SULF1: variants seen among roughly 807,000 people sequenced by gnomAD.
SULF1 encodes sulfatase 1.
A neutral mutation model predicts 110.5 loss-of-function variants in SULF1; 46 were observed. That is an observed-to-expected ratio of 0.42 (90% CI 0.33 to 0.53). SULF1 has a LOEUF of 0.53. SULF1 is among the 20% of genes least tolerant of loss of function. SULF1 has a pLI of 0.12. For synonymous variants in SULF1, 371 were observed against 387.1 expected (o/e 0.96, Z 0.49); for missense variants, 941 against 1,094.2 (o/e 0.86, Z 1.98).
intron 22 of SULF1, among the ~76,000 whole-genome samples, chr8:69,646,361 C>T (rs906822366): frequency 3.3e-5 from 5 of 152,028 alleles, no homozygotes; most frequent in African/African-American, 9.7e-5. Flanking sequence ...CTTCTGAATG[C>T]TTTCGTATAT....
intron 3 of SULF1, among the ~76,000 whole-genome samples, chr8:69,522,031 A>G (rs1405468617): frequency 6.6e-6 from 1 of 151,386 alleles, no homozygotes; most frequent in Non-Finnish European, 1.5e-5. Flanking sequence ...AGAGACAGGG[A>G]GAGAGAGAGA....
chr8:69,651,592 CTTT>C (rs562187444), intron 22 of SULF1, among the ~76,000 whole-genome samples: 1 of 151,778 alleles, frequency 6.6e-6, no homozygotes, highest in African/African-American at 2.4e-5. Flanking sequence ...TGTCAAAAAG[CTTT>C]TTTTAGCATC....
intron 3 of SULF1, among the ~76,000 whole-genome samples, chr8:69,515,446 C>T (rs1811864969): frequency 6.6e-6 from 1 of 152,010 alleles, no homozygotes; most frequent in Non-Finnish European, 1.5e-5. Flanking sequence ...GGGCCCTGGG[C>T]CTGGCCCATG....
chr8:69,469,269 T>C (rs1374834327), intron 1 of SULF1: 3 of 152,244 alleles, frequency 2.0e-5, no homozygotes, highest in Non-Finnish European at 2.9e-5. Context: ...GTGCTGGTAA[T>C]ACACATGAAG....
At chr8:69,578,924 GAGGACA>G in intron 6 of SULF1, among the ~76,000 whole-genome samples, 1 of 152,168 alleles carries the variant, frequency 6.6e-6, no homozygotes, top group Non-Finnish European at 1.5e-5. Flanking sequence ...AGCACTTTAG[GAGGACA>G]AGGCTGGCGG....
At chr8:69,597,654 G>A (rs902386795) in intron 8 of SULF1, 4 of 152,168 alleles carry the variant, frequency 2.6e-5, no homozygotes, top group African/African-American at 9.7e-5. Flanking sequence ...GTAACTGGTG[G>A]AAGATATAAT....
At chr8:69,538,781 C>T (rs773495513) in intron 3 of SULF1, among the ~76,000 whole-genome samples, 2 of 152,144 alleles carry the variant, frequency 1.3e-5, no homozygotes, top group Non-Finnish European at 2.9e-5. Context: ...CAACCTCCTC[C>T]TCCCAGATTC....
At chr8:69,600,808 G>A in intron 9 of SULF1, 55 bp downstream of exon 9, 2 of 1,558,478 alleles carry the variant, frequency 1.3e-6, no homozygotes, top group Admixed American at 3.8e-5. Flanking sequence ...CCTTTGTGTA[G>A]ACTTATTCTT....
intron 3 of SULF1, among the ~76,000 whole-genome samples, chr8:69,538,098 A>G (rs1813564895): frequency 6.6e-6 from 1 of 151,940 alleles, no homozygotes; most frequent in Non-Finnish European, 1.5e-5. Flanking sequence ...CGTAGCTGGG[A>G]CTACAGGCAC....
chr8:69,647,898 A>G (rs968965248), intron 22 of SULF1, among the ~76,000 whole-genome samples: 5 of 151,852 alleles, frequency 3.3e-5, no homozygotes, highest in Admixed American at 6.6e-5. Context: ...GTCTCAAAAA[A>G]GAAAGAAATT....
At chr8:69,557,144 T>G (rs12056594) in intron 3 of SULF1, among the ~76,000 whole-genome samples, 29,823 of 152,206 alleles carry the variant, frequency 0.2, 3,007 homozygotes, top group Middle Eastern at 0.24. Context: ...CAAATCCACT[T>G]TACCTGAAGT....
At chr8:69,587,402 G>T (rs1806544416) in intron 7 of SULF1, among the ~76,000 whole-genome samples, 1 of 152,132 alleles carries the variant, frequency 6.6e-6, no homozygotes, top group African/African-American at 2.4e-5. Context: ...CTGTCTTTAT[G>T]CTTGGCCTGA....
chr8:69,614,634 A>T (rs1292953309), intron 13 of SULF1, among the ~76,000 whole-genome samples: 1 of 152,226 alleles, frequency 6.6e-6, no homozygotes, highest in Admixed American at 6.5e-5. Context: ...ATCAGGTGTT[A>T]TTTATATACA....
chr8:69,623,747 G>GCAATGGCACTGCCAGT, intron 14 of SULF1, among the ~76,000 whole-genome samples, 195 bp from the exon 15 acceptor site: 1 of 100,168 alleles, frequency 1.0e-5, no homozygotes, highest in East Asian at 1.9e-4. Flanking sequence ...GCACTGCCAG[G>GCAATGGCACTGCCAGT]CAATGGCACT....
chr8:69,605,135 C>T (rs1808139917), intron 13 of SULF1, among the ~76,000 whole-genome samples: 2 of 152,206 alleles, frequency 1.3e-5, no homozygotes, highest in Non-Finnish European at 2.9e-5. Context: ...TACTTGGGCT[C>T]CCTCCAGTTA....
intron 3 of SULF1, among the ~76,000 whole-genome samples, chr8:69,525,603 T>A (rs1812603735): frequency 6.6e-6 from 1 of 152,146 alleles, no homozygotes. Context: ...CAAATAGCAA[T>A]ATAATAAAAA....
At chr8:69,490,697 T>C (rs1328100255), upstream of SULF1, among the ~76,000 whole-genome samples, 3 of 152,160 alleles carry the variant, frequency 2.0e-5, no homozygotes, top group African/African-American at 4.8e-5. Context: ...TTCAGTAGAA[T>C]AGAAAAATCA....
chr8:69,592,988 G>C (rs1689233912), intron 8 of SULF1: 1 of 986,630 alleles, frequency 1.0e-6, no homozygotes, highest in Non-Finnish European at 1.2e-6. Flanking sequence ...CTATGGGTAA[G>C]TGCCAGTTTG....
chr8:69,490,935 C>T (rs1293176567), upstream of SULF1, among the ~76,000 whole-genome samples: 1 of 152,130 alleles, frequency 6.6e-6, no homozygotes, highest in African/African-American at 2.4e-5. Context: ...AGAGATGATC[C>T]TACACTTGAA....
Sources: allele counts gnomAD v4.1 joint callset (sites outside exome capture counted in the v4.1 genomes callset), GRCh38; gene constraint gnomAD v4.1.1; transcripts MANE v1.5; gene names NCBI Gene and HGNC (gene_info 2026-07-23, HGNC 2026-07-21).